Variants in MON2 observed in about 807,000 individuals in gnomAD.
The protein encoded by MON2 is protein MON2 homolog.
A neutral mutation model predicts 208.6 loss-of-function variants in MON2; 84 were observed. The observed-to-expected ratio is 0.40, with a 90% CI of 0.34 to 0.48. The LOEUF is 0.48. Ranked by LOEUF, MON2 falls within the 20% of genes least tolerant of loss-of-function variation. The pLI is 0.59. For missense variants in MON2, 1,611 were observed against 2,015.4 expected, an observed-to-expected ratio of 0.80 and a Z score of 3.84; for synonymous variants, 660 against 694.0, an observed-to-expected ratio of 0.95 and a Z score of 0.77.
intron 7 of MON2, among the ~76,000 whole-genome samples, chr12:62,506,120 C>T (rs544130040): frequency 3.9e-5 from 6 of 152,068 alleles, no homozygotes; most frequent in Non-Finnish European, 7.4e-5. Context: ...TAAGAATTGC[C>T]GGTATGTTTA....
intron 26 of MON2, among the ~76,000 whole-genome samples, chr12:62,563,249 C>T (rs923984232): frequency 7.2e-5 from 11 of 152,142 alleles, no homozygotes; most frequent in Non-Finnish European, 1.5e-4. Context: ...AATAAGTCTA[C>T]AACTTTTTGC....
chr12:62,492,607 A>G (rs1366430131), intron 2 of MON2, among the ~76,000 whole-genome samples: 19 of 146,614 alleles, frequency 1.3e-4, no homozygotes, highest in African/African-American at 3.5e-4. Context: ...TCCTGACCTC[A>G]TGATCCACCC....
rs115321057 is a variant in MON2 at position 62,572,972 on chromosome 12, A to G, written c.4514+1390A>G. 4.6e-3 allele frequency among the ~76,000 whole-genome samples: 705 copies of G among 152,338 alleles called. 6 individuals are homozygous for G. The highest frequency in any genetic ancestry group is 0.016 in the African/African-American group (654 of 41,582). On this transcript the variant is annotated intron_variant, in intron 30 of 34. Transcript: ENST00000393630. ...TTTACTATTCTAATATGGTTTAGTT[A>G]TTCAGTAAAAAAAATTTCTAGGGTG...
chr12:62,499,882 A>G (rs923674087), intron 5 of MON2, among the ~76,000 whole-genome samples: 6 of 152,128 alleles, frequency 3.9e-5, no homozygotes, highest in Non-Finnish European at 7.4e-5. Context: ...CAAAAAAAAA[A>G]AATTTTTTTT....
Position 62,598,637 on chromosome 12 carries a change from A to C in MON2, c.*5888A>C, listed in dbSNP as rs2075572291. On this transcript the variant is annotated 3_prime_UTR_variant, in exon 35 of 35. Transcript: ENST00000393630. Reference sequence around the variant, plus strand: ...ATGTCAGACTGGATATATTTATCTAATTTTGTGAAATTATTTTTTAGTTCC... The same window carrying C: ...ATGTCAGACTGGATATATTTATCTACTTTTGTGAAATTATTTTTTAGTTCC... The C allele has an allele frequency of 6.6e-6, 1 of 152,158 alleles. No individual in the cohort carries two copies. Among genetic ancestry groups the C allele is most frequent in the African/African-American group, 2.4e-5 (1 of 41,438 alleles). The allele number at this position is 152,158 out of a possible 1,614,324, so 9.4% of individuals were successfully genotyped here.
chr12:62,482,037 C>A (rs886818605), intron 1 of MON2, among the ~76,000 whole-genome samples: 1 of 152,154 alleles, frequency 6.6e-6, no homozygotes, highest in African/African-American at 2.4e-5. Context: ...TCACTCTAGG[C>A]CACTACTGGT....
chr12:62,538,865 ATGTT>A (rs1290863786), intron 19 of MON2, among the ~76,000 whole-genome samples: 32 of 152,228 alleles, frequency 2.1e-4, no homozygotes, highest in South Asian at 1.4e-3. Context: ...AAATTAAAGA[ATGTT>A]TGTCTCAGTT....
chr12:62,492,137 G>A (rs867517274), intron 2 of MON2, among the ~76,000 whole-genome samples: 1 of 152,122 alleles, frequency 6.6e-6, no homozygotes, highest in South Asian at 2.1e-4. Flanking sequence ...ACTTTGCAGC[G>A]CAGGCTGTAG....
At chr12:62,514,414 G>T (rs1022443063) in intron 8 of MON2, among the ~76,000 whole-genome samples, 13 of 152,224 alleles carry the variant, frequency 8.5e-5, no homozygotes, top group Non-Finnish European at 1.6e-4. Flanking sequence ...AAATAAAGAA[G>T]ATTAGTGGAC....
At chr12:62,514,778 C>T (rs2071603568) in intron 8 of MON2, among the ~76,000 whole-genome samples, 1 of 152,180 alleles carries the variant, frequency 6.6e-6, no homozygotes, top group Non-Finnish European at 1.5e-5. Context: ...AGAACTCCTA[C>T]AACTCAACAA....
chr12:62,545,610 A>G (rs2073448601), intron 21 of MON2: 2 of 152,026 alleles, frequency 1.3e-5, no homozygotes, highest in African/African-American at 4.8e-5. Flanking sequence ...ATGAATTTGC[A>G]TGTCATCCTT....
chr12:62,565,778 A>G (rs2074358667), intron 27 of MON2, among the ~76,000 whole-genome samples: 1 of 152,210 alleles, frequency 6.6e-6, no homozygotes, highest in South Asian at 2.1e-4. Context: ...AACTGTTTGT[A>G]CTAAATAAGA....
chr12:62,569,988 ACAG>A (rs1353397348), intron 29 of MON2, among the ~76,000 whole-genome samples: 1 of 152,196 alleles, frequency 6.6e-6, no homozygotes, highest in Non-Finnish European at 1.5e-5. Flanking sequence ...TTTTTACGTA[ACAG>A]CAGAATTTTT....
intron 24 of MON2, among the ~76,000 whole-genome samples, chr12:62,555,042 C>A (rs182633459): frequency 1.3e-5 from 2 of 152,232 alleles, no homozygotes; most frequent in South Asian, 4.2e-4. Context: ...GTGATCCGCC[C>A]GCCTCGGCCT....
intron 26 of MON2, among the ~76,000 whole-genome samples, chr12:62,561,762 A>G (rs1254673105): frequency 6.6e-6 from 1 of 152,168 alleles, no homozygotes; most frequent in Admixed American, 6.6e-5. Context: ...AAAAATGCCA[A>G]CTGAGTAGCC....
chr12:62,565,930 A>G, intron 27 of MON2, 84 bp from the exon 28 acceptor site: 1 of 1,264,296 alleles, frequency 7.9e-7, no homozygotes, highest in Non-Finnish European at 1.1e-6. Context: ...TAAAAATTAT[A>G]ATTTTATATC....
chr12:62,521,885 A>G (rs2072061089), intron 8 of MON2, among the ~76,000 whole-genome samples: 2 of 152,196 alleles, frequency 1.3e-5, no homozygotes, highest in Admixed American at 1.3e-4. Flanking sequence ...TAAGGAATTT[A>G]TGAAACTTAA....
intron 30 of MON2, among the ~76,000 whole-genome samples, chr12:62,572,126 T>C (rs1008062117): frequency 2.6e-5 from 4 of 152,234 alleles, no homozygotes; most frequent in Non-Finnish European, 5.9e-5. Flanking sequence ...AAGAATTTGC[T>C]GAGGTCCATC....
At position 62,578,461 on chromosome 12, in the gene MON2, C is replaced by A; in HGVS notation, c.4531C>A (p.Leu1511Ile). The A allele has an allele frequency of 6.9e-7, 1 of 1,455,700 alleles. No individual in the cohort carries two copies. The highest frequency in any genetic ancestry group is 9.4e-7 in the Non-Finnish European group (1 of 1,064,698). The allele number at this position is 1,455,700 out of a possible 1,614,324, so 90.2% of individuals were successfully genotyped here. A position where few individuals can be genotyped will look rare whatever the true frequency, so the allele number is the denominator to read the frequency against. Residue 1511 changes from leucine to isoleucine, a missense_variant, in exon 31 of 35, where the codon CTC becomes ATC. By Grantham distance (5) the Leu-to-Ile change is conservative. Transcript: ENST00000393630. ...LFTKSIPPDN[L>I]SIQEFQRNEN... Reference sequence around the variant, plus strand: ...TTTTTTTAGCATACCTCCAGATAATCTCTCTATTCAAGAGTTTCAAAGAAA... The same window carrying A: ...TTTTTTTAGCATACCTCCAGATAATATCTCTATTCAAGAGTTTCAAAGAAA...
Sources: allele counts gnomAD v4.1 joint callset (sites outside exome capture counted in the v4.1 genomes callset), GRCh38; gene constraint gnomAD v4.1.1; transcripts MANE v1.5; gene names NCBI Gene and HGNC (gene_info 2026-07-23, HGNC 2026-07-21).